Variants in HPCAL1 observed in about 807,000 individuals in gnomAD.
HPCAL1 encodes hippocalcin like 1, also known as hippocalcin-like protein 1.
A neutral mutation model predicts 17.1 loss-of-function variants in HPCAL1; 8 were observed. That is an observed-to-expected ratio of 0.47 (90% CI 0.27 to 0.84). HPCAL1 has a LOEUF of 0.84. Among genes scored for constraint, HPCAL1 ranks in the 40% least tolerant of loss-of-function variants. The probability of loss-of-function intolerance (pLI) is 0.13; values close to 1 mark genes in which losing one functional copy is unlikely to be tolerated. For missense variants in HPCAL1, 165 were observed against 271.1 expected, an observed-to-expected ratio of 0.61 and a Z score of 2.75; for synonymous variants, 112 against 111.4, an observed-to-expected ratio of 1.01 and a Z score of -0.03.
intron 1 of HPCAL1, among the ~76,000 whole-genome samples, chr2:10,380,161 C>T (rs115315413): frequency 0.029 from 4,451 of 152,288 alleles, 78 homozygotes; most frequent in Middle Eastern, 0.061. Flanking sequence ...ACAGTAGATT[C>T]GCAATTAAGA....
At chr2:10,325,591 C>T (rs1663960036) in intron 1 of HPCAL1, among the ~76,000 whole-genome samples, 1 of 152,190 alleles carries the variant, frequency 6.6e-6, no homozygotes, top group South Asian at 2.1e-4. Context: ...CAGCATCCTG[C>T]TAAGCAGGCC....
Position 10,349,503 on chromosome 2 carries a change from A to G in HPCAL1, c.-111+46326A>G, listed in dbSNP as rs190666188. ...CGGGTGGATCATGAGGTCAGGAGAG[A>G]CCATCCTGGCTAACACGGTGAAACC... On this transcript the variant is annotated intron_variant, in intron 1 of 4. Transcript: ENST00000307845. 1.6e-3 allele frequency among the ~76,000 whole-genome samples: 222 copies of G among 138,530 alleles called. 3 individuals are homozygous for G. The highest frequency in any genetic ancestry group is 5.7e-3 in the African/African-American group (220 of 38,716). 90.9% of individuals were successfully genotyped at this position (138,530 alleles called of 152,430 possible).
At chr2:10,349,359 C>T (rs1252081844) in intron 1 of HPCAL1, among the ~76,000 whole-genome samples, 1 of 152,032 alleles carries the variant, frequency 6.6e-6, no homozygotes, top group Non-Finnish European at 1.5e-5. Context: ...CCAGTATTAT[C>T]TGACCTGGCA....
chr2:10,355,179 C>T (rs555725623), intron 1 of HPCAL1, among the ~76,000 whole-genome samples: 10 of 152,198 alleles, frequency 6.6e-5, no homozygotes, highest in South Asian at 2.1e-4. Context: ...GGGCCGGGCG[C>T]GGTGGCTCAC....
At chr2:10,373,245 CAG>C (rs1348326719) in intron 1 of HPCAL1, among the ~76,000 whole-genome samples, 1 of 152,132 alleles carries the variant, frequency 6.6e-6, no homozygotes, top group Non-Finnish European at 1.5e-5. Flanking sequence ...CAGCAGGACT[CAG>C]AGGCGAGGGA....
intron 1 of HPCAL1, among the ~76,000 whole-genome samples, chr2:10,366,160 C>T (rs775243221): frequency 6.6e-6 from 1 of 152,194 alleles, no homozygotes; most frequent in Non-Finnish European, 1.5e-5. Flanking sequence ...GCACCGGGCA[C>T]CAGGGCTCAA....
chr2:10,397,190 A>G (rs7594864), intron 2 of HPCAL1, among the ~76,000 whole-genome samples: 84,954 of 151,408 alleles, frequency 0.56, 24,149 homozygotes, highest in South Asian at 0.66. Context: ...TTTCTGGGTA[A>G]ATCGCGTGAC....
intron 2 of HPCAL1, among the ~76,000 whole-genome samples, chr2:10,416,872 G>A (rs1670706227): frequency 6.6e-6 from 1 of 152,098 alleles, no homozygotes. Flanking sequence ...CTGGATGATG[G>A]AGGCAGGGGG....
chr2:10,368,031 A>G (rs1196859437), intron 1 of HPCAL1, among the ~76,000 whole-genome samples: 2 of 151,510 alleles, frequency 1.3e-5, no homozygotes, highest in Non-Finnish European at 2.9e-5. Flanking sequence ...GTGTGTGCAT[A>G]TGGTGACCTC....
Position 10,394,745 on chromosome 2 carries a change from G to A in HPCAL1, c.-110-2090G>A, listed in dbSNP as rs956895678. 6.6e-5 allele frequency among the ~76,000 whole-genome samples: 10 copies of A among 152,124 alleles called. No individual in the cohort carries two copies. The highest frequency in any genetic ancestry group is 1.3e-4 in the Non-Finnish European group (9 of 68,012). ...TGGCCGGGAGTGGTGTAAGGGGTGT[G>A]TGGGAACTTTCTGCTCAATTTTGTT... On this transcript the variant is annotated intron_variant, in intron 1 of 4. Coordinates refer to ENST00000307845, the MANE Select transcript of HPCAL1 (RefSeq NM_002149.4). The surrounding 1 kb of genome is among the most constrained non-coding windows in gnomAD (Gnocchi z 5.0).
chr2:10,371,419 A>ATCTC (rs1667197402), intron 1 of HPCAL1, among the ~76,000 whole-genome samples: 1 of 23,800 alleles, frequency 4.2e-5, no homozygotes, highest in Non-Finnish European at 6.4e-5. Flanking sequence ...GTGTAGGCCC[A>ATCTC]GGGGGTGGGG....
At chr2:10,317,807 G>A (rs546003129) in intron 1 of HPCAL1, among the ~76,000 whole-genome samples, 21 of 152,328 alleles carry the variant, frequency 1.4e-4, no homozygotes, top group Middle Eastern at 6.8e-3. Flanking sequence ...CTGCCCTGGC[G>A]GAGCTTGTAT....
chr2:10,390,631 A>G (rs1422853260), intron 1 of HPCAL1, among the ~76,000 whole-genome samples: 1 of 152,110 alleles, frequency 6.6e-6, no homozygotes, highest in Non-Finnish European at 1.5e-5. Flanking sequence ...AGGAGAGGCC[A>G]CTTCCGGTTT....
chr2:10,350,553 C>T (rs1572697059), intron 1 of HPCAL1, among the ~76,000 whole-genome samples: 1 of 152,204 alleles, frequency 6.6e-6, no homozygotes, highest in South Asian at 2.1e-4. Context: ...CTCAAGCGAT[C>T]CATCTGCCTC....
Position 10,361,630 on chromosome 2 carries a change from T to C in HPCAL1, c.-110-35205T>C, listed in dbSNP as rs149859811. 2.5e-3 allele frequency among the ~76,000 whole-genome samples: 380 copies of C among 152,314 alleles called. 2 individuals carry two copies. Among genetic ancestry groups the C allele is most frequent in the African/African-American group, 8.8e-3 (364 of 41,570 alleles). ...GCTAGGATTTCTCATAAGGCGACTG[T>C]TATCTTTTGATAATCACATAAATAA... is the stretch of plus-strand genomic sequence containing the variant. On this transcript the variant is annotated intron_variant, in intron 1 of 4. Transcript: ENST00000307845.
At chr2:10,424,964 C>T (rs3821197) in intron 4 of HPCAL1, 43,065 of 236,192 alleles carry the variant, frequency 0.18, 4,142 homozygotes, top group African/African-American at 0.21. Context: ...CTTGTCAGGC[C>T]GCACATGTGG....
Position 10,395,813 on chromosome 2 carries a change from A to T in HPCAL1, c.-110-1022A>T, listed in dbSNP as rs1380640089. On this transcript the variant is annotated intron_variant, in intron 1 of 4. Transcript: ENST00000307845. This position sits in a 1 kb window ranked among gnomAD's most constrained non-coding sequence, Gnocchi z 4.4. Reference sequence around the variant, plus strand: ...TTTCCCCGTCTGTCAAATGGGGATGATGATTGTGCCTGCCTCCCAGGGCTG... The same window carrying T: ...TTTCCCCGTCTGTCAAATGGGGATGTTGATTGTGCCTGCCTCCCAGGGCTG... 2.6e-5 allele frequency among the ~76,000 whole-genome samples: 4 copies of T among 152,130 alleles called. No individual in the cohort carries two copies.
intron 1 of HPCAL1, among the ~76,000 whole-genome samples, chr2:10,336,322 A>G (rs1051712847): frequency 6.6e-6 from 1 of 151,488 alleles, no homozygotes; most frequent in Non-Finnish European, 1.5e-5. Flanking sequence ...TCTTTTTTTC[A>G]CTCTAGAGAC....
rs373681285 is a variant in HPCAL1, at chr2:10,329,144, G to A, written c.-111+25967G>A. ...ACTGTTGGTCTCTAGGGGTTCTTAT[G>A]CACCTAGAATTTAGAGACTCATTGC... On this transcript the variant is annotated intron_variant, in intron 1 of 4. Transcript: ENST00000307845. Among the ~76,000 whole-genome samples the A allele has an allele frequency of 6.6e-4, 100 of 152,214 alleles. 3 individuals carry two copies. In the South Asian group the frequency reaches 0.02, roughly 31 times the overall value.
Sources: gnomAD v4.1 joint callset for allele counts (sites outside exome capture counted in the v4.1 genomes callset) on GRCh38, gnomAD v4.1.1 for gene constraint, Gnocchi (gnomAD v3.1) non-coding constraint, MANE v1.5 for transcripts, NCBI Gene and HGNC (gene_info 2026-07-23, HGNC 2026-07-21) for gene names.